TRIML2: variants seen among roughly 807,000 people sequenced by gnomAD.
TRIML2 encodes probable E3 ubiquitin-protein ligase TRIML2.
A neutral mutation model predicts 31.2 loss-of-function variants in TRIML2; 28 were observed. The observed-to-expected ratio is 0.90, with a 90% CI of 0.66 to 1.23. The LOEUF is 1.23. Ranked by LOEUF, TRIML2 falls within the 50% of genes most tolerant of loss-of-function variation. The pLI is 0.00. For synonymous variants in TRIML2, 187 were observed against 197.5 expected, an observed-to-expected ratio of 0.95 and a Z score of 0.45; for missense variants, 536 against 528.3, an observed-to-expected ratio of 1.01 and a Z score of -0.14.
At chr4:188,102,060 G>A (rs948322476) in intron 3 of TRIML2, among the ~76,000 whole-genome samples, 9 of 151,506 alleles carry the variant, frequency 5.9e-5, no homozygotes, top group African/African-American at 1.9e-4. Context: ...AACCCGGGAG[G>A]TGGAGCTTGC....
chr4:188,098,627 GTA>G (rs979461694), intron 5 of TRIML2: 70 of 208,476 alleles, frequency 3.4e-4, no homozygotes, highest in African/African-American at 1.5e-3. Context: ...ATATGTGTGT[GTA>G]TATATACTTA....
At chr4:188,107,305 C>T (rs745547972) in intron 1 of TRIML2, among the ~76,000 whole-genome samples, 13 of 152,150 alleles carry the variant, frequency 8.5e-5, no homozygotes, top group Non-Finnish European at 1.6e-4. Context: ...ACCCACCGTG[C>T]CTGGCTTGTT....
At chr4:188,097,727 T>C (rs1733581378) in intron 5 of TRIML2, among the ~76,000 whole-genome samples, 1 of 152,130 alleles carries the variant, frequency 6.6e-6, no homozygotes, top group South Asian at 2.1e-4. Flanking sequence ...GCCTGCATGC[T>C]CAAGAACTGA....
chr4:188,100,496 G>A (rs185834302), intron 4 of TRIML2, among the ~76,000 whole-genome samples: 6 of 152,294 alleles, frequency 3.9e-5, no homozygotes, highest in African/African-American at 1.4e-4. Context: ...GCTGAGGCGG[G>A]TGGATCATGA....
intron 5 of TRIML2, chr4:188,098,071 G>A (rs572057097): frequency 6.3e-5 from 15 of 239,680 alleles, no homozygotes; most frequent in African/African-American, 3.2e-4. Context: ...ACAGTGAGCC[G>A]AAATTGCGCC....
rs1560952143 is a variant in TRIML2, at chr4:188,100,957, T to C, written c.480+99A>G. On this transcript the variant is annotated intron_variant, in intron 4 of 7. Coordinates refer to ENST00000682553, the MANE Select transcript of TRIML2 (RefSeq NM_173553.4). ...AGGTATATAATTCATTTAATACATG[T>C]GTGGTTGTCACTGGCTATGTTATTT... The C allele has an allele frequency of 1.3e-5, 14 of 1,066,124 alleles. No homozygotes were observed. In the East Asian group the frequency reaches 2.8e-4, roughly 21 times the overall value. The allele number at this position is 1,066,124 out of a possible 1,614,324, so 66.0% of individuals were successfully genotyped here.
At chr4:188,103,871 G>T (rs1294738255) in intron 3 of TRIML2, among the ~76,000 whole-genome samples, 1 of 152,046 alleles carries the variant, frequency 6.6e-6, no homozygotes, top group African/African-American at 2.4e-5. Flanking sequence ...AAAGAAGGGG[G>T]ATCGGTTGAA....
At chr4:188,100,883 C>G (rs187755110) in intron 4 of TRIML2, among the ~76,000 whole-genome samples, 173 bp downstream of exon 4, 1 of 152,058 alleles carries the variant, frequency 6.6e-6, no homozygotes, top group Admixed American at 6.5e-5. Flanking sequence ...TTATTTATGT[C>G]TTTTTATATG....
rs774872763 is a variant in TRIML2 at position 188,105,258 on chromosome 4, G to A, written c.111C>T (p.Leu37=). 1.2e-6 allele frequency: 2 copies of A among 1,612,812 alleles called. No homozygotes were observed. Among genetic ancestry groups the A allele is most frequent in the Non-Finnish European group, 1.7e-6 (2 of 1,178,840 alleles). The change falls in exon 2 of 8, where the codon CTC becomes CTT. Residue 37 remains leucine, a synonymous_variant. Coordinates refer to ENST00000682553, the MANE Select transcript of TRIML2 (RefSeq NM_173553.4). ...CCTGGGACTGGAAGCATTTGCTGCAGAGTGTGATTTGGTCAACATCACAGA... is the reference window on the plus strand; with the variant it reads ...CCTGGGACTGGAAGCATTTGCTGCAAAGTGTGATTTGGTCAACATCACAGA... ...RLFCDVDQIT[L]CSKCFQSQEH...
intron 7 of TRIML2, among the ~76,000 whole-genome samples, chr4:188,094,544 G>A (rs1733416462): frequency 2.0e-5 from 3 of 152,248 alleles, no homozygotes; most frequent in Non-Finnish European, 2.9e-5. Context: ...TACAGTGGCT[G>A]TAAAAAACAT....
At chr4:188,092,821 C>A in intron 7 of TRIML2, 1 of 455,890 alleles carries the variant, frequency 2.2e-6, no homozygotes, top group South Asian at 1.6e-5. Context: ...ATTCCTCACA[C>A]CTGCATGAAT....
chr4:188,103,141 T>A (rs138481932), intron 3 of TRIML2, among the ~76,000 whole-genome samples: 3,459 of 150,744 alleles, frequency 0.023, 120 homozygotes, highest in African/African-American at 0.079. Flanking sequence ...GTCACCTGAG[T>A]AGCTGGGACT....
intron 7 of TRIML2, chr4:188,092,786 C>G (rs1194382360): frequency 4.4e-6 from 2 of 454,970 alleles, no homozygotes; most frequent in Non-Finnish European, 8.8e-6. Flanking sequence ...CAGAAACTCA[C>G]GCTGAGAACA....
chr4:188,101,179 C>T lies in TRIML2; in HGVS notation c.357G>A (p.Glu119=), dbSNP rs138553243. Residue 119 remains glutamate (E), a synonymous_variant, in exon 4 of 8, where the codon GAG becomes GAA. Transcript: ENST00000682553. The part of the protein sequence containing the change: ...YSMRLRLLNE[E]CEQNLQRQQE... ...GCTGTCTCTGGAGATTCTGCTCACA[C>T]TCTTCATTCAACAACCGGAGTCTCA... 6 of 1,613,676 alleles carry T rather than the reference C, an allele frequency of 3.7e-6. No homozygotes were observed. In the African/African-American group the frequency reaches 8.0e-5, roughly 22 times the overall value.
rs1035527058 is a variant in TRIML2, at chr4:188,091,307, A to C, written c.*66T>G. On this transcript the variant is annotated 3_prime_UTR_variant, in exon 8 of 8. Coordinates refer to ENST00000682553, the MANE Select transcript of TRIML2 (RefSeq NM_173553.4). ...CTTTTTATTGGGTTAGTTTACACAA[A>C]TTCTTTCAAAGTCTTGTTCTCCAAC... The C allele has an allele frequency of 4.0e-6, 6 of 1,489,480 alleles. No homozygotes were observed. The African/African-American group carries it at 8.4e-5, about 21-fold the overall frequency. 92.3% of individuals were successfully genotyped at this position (1,489,480 alleles called of 1,614,324 possible).
intron 1 of TRIML2, chr4:188,106,918 C>A: frequency 8.5e-6 from 2 of 236,472 alleles, no homozygotes; most frequent in South Asian, 7.0e-5. Context: ...CCCCAATGTC[C>A]TTCTTAAGTC....
chr4:188,104,047 C>T (rs1733920219), intron 3 of TRIML2, among the ~76,000 whole-genome samples: 1 of 152,146 alleles, frequency 6.6e-6, no homozygotes, highest in African/African-American at 2.4e-5. Flanking sequence ...ATATGCCTAA[C>T]AGGTGGTGAA....
Position 188,091,401 on chromosome 4 carries a change from G to A in TRIML2, c.1286C>T (p.Pro429Leu). The part of the protein sequence containing the change: ...PDSLTILQHG[P>L]SCDATVSP ...AGGGCTAACAGTAGCATCACAAGAA[G>A]GACCATGTTGTAAGATGGTGAGGGA... is the stretch of plus-strand genomic sequence containing the variant. Residue 429 changes from proline (P) to leucine (L), a missense_variant, in exon 8 of 8, where the codon CCT (proline) becomes CTT (leucine). Physicochemically the swap from Pro to Leu is moderately conservative, Grantham distance 98. Transcript: ENST00000682553. 2 of 1,614,044 alleles carry A rather than the reference G, an allele frequency of 1.2e-6. No individual in the cohort carries two copies. Among genetic ancestry groups the A allele is most frequent in the Non-Finnish European group, 1.7e-6 (2 of 1,179,954 alleles).
rs375766768 is a variant in TRIML2 at position 188,091,992 on chromosome 4, C to A, written c.746-51G>T. On this transcript the variant is annotated intron_variant, in intron 7 of 7. Coordinates refer to ENST00000682553, the MANE Select transcript of TRIML2 (RefSeq NM_173553.4). The stretch of plus-strand genomic sequence containing the variant: ...ACCTAGGAGTTCACCAATGCCAATG[C>A]CAGAGACATGATTTCTAACACACCT... 7 of 1,541,600 alleles carry A rather than the reference C, an allele frequency of 4.5e-6. No individual in the cohort carries two copies. The African/African-American group carries it at 9.5e-5, about 21-fold the overall frequency.
Sources: gnomAD v4.1 joint callset for allele counts (sites outside exome capture counted in the v4.1 genomes callset) on GRCh38, gnomAD v4.1.1 for gene constraint, MANE v1.5 for transcripts, NCBI Gene and HGNC (gene_info 2026-07-23, HGNC 2026-07-21) for gene names.